Variants in LSAMP observed in about 807,000 individuals in gnomAD.
LSAMP encodes limbic system-associated membrane protein.
In LSAMP, 7 loss-of-function variants were observed where a neutral mutation model predicts 38.6. The observed-to-expected ratio is 0.18, with a 90% CI of 0.10 to 0.34. The LOEUF (loss-of-function observed/expected upper bound fraction) is 0.34, where lower values mean the gene tolerates loss of function less well. LSAMP is among the 10% of genes least tolerant of loss of function. The pLI, the probability that LSAMP is intolerant of heterozygous loss-of-function variation, is 1.00. For synonymous variants in LSAMP, 154 were observed against 166.8 expected (o/e 0.92, Z 0.59); for missense variants, 313 against 420.0 (o/e 0.75, Z 2.23).
At chr3:116,285,939 T>C (rs2047189267) in intron 1 of LSAMP, among the ~76,000 whole-genome samples, 1 of 152,074 alleles carries the variant, frequency 6.6e-6, no homozygotes, top group Non-Finnish European at 1.5e-5. Context: ...CTAGAAAGGA[T>C]AGAGTTGTTT....
At chr3:115,907,457 C>T (rs746407587) in intron 3 of LSAMP, among the ~76,000 whole-genome samples, 3 of 151,916 alleles carry the variant, frequency 2.0e-5, no homozygotes, top group Non-Finnish European at 1.5e-5. Context: ...CAGCAGACAT[C>T]GAATCCACTG....
intron 1 of LSAMP, among the ~76,000 whole-genome samples, chr3:116,174,256 T>C (rs1050765363): frequency 6.6e-6 from 1 of 151,998 alleles, no homozygotes; most frequent in African/African-American, 2.4e-5. Context: ...TGCTTTTTTA[T>C]GGTGCCTTTT....
intron 4 of LSAMP, among the ~76,000 whole-genome samples, chr3:115,850,302 T>C (rs1325252120): frequency 6.6e-6 from 1 of 152,208 alleles, no homozygotes; most frequent in Admixed American, 6.5e-5. Context: ...CAGACCACTT[T>C]GATGTTTCAC....
At chr3:116,441,336 T>A (rs2049432078) in intron 1 of LSAMP, among the ~76,000 whole-genome samples, 2 of 152,220 alleles carry the variant, frequency 1.3e-5, no homozygotes, top group Admixed American at 1.3e-4. Flanking sequence ...GCCTACTTGT[T>A]TTATATCCAG....
rs114660320 is a variant in LSAMP, at chr3:116,352,160, C to G, written c.155+92717G>C. ...CTTATAAAATGATTCCATGACTTCT[C>G]TGACGTTTCCACCACTAGGGTAGTC... On this transcript the variant is annotated intron_variant, in intron 1 of 6. Transcript: ENST00000490035. 6.2e-3 allele frequency among the ~76,000 whole-genome samples: 937 copies of G among 152,166 alleles called. 9 individuals are homozygous for G. Among genetic ancestry groups the G allele is most frequent in the African/African-American group, 0.021 (890 of 41,546 alleles).
intron 3 of LSAMP, among the ~76,000 whole-genome samples, chr3:115,906,153 T>C (rs762866780): frequency 1.3e-5 from 2 of 152,202 alleles, no homozygotes; most frequent in South Asian, 4.1e-4. Flanking sequence ...TTTCACACTA[T>C]GGCTCTCTTC....
chr3:115,996,887 G>A (rs974932433), intron 3 of LSAMP, among the ~76,000 whole-genome samples: 2 of 152,006 alleles, frequency 1.3e-5, no homozygotes, highest in African/African-American at 4.8e-5. Flanking sequence ...ACTGGGAGTC[G>A]TCCCAATCTC....
At chr3:116,273,527 A>ACTTTGAGTTGG (rs2047000938) in intron 1 of LSAMP, among the ~76,000 whole-genome samples, 1 of 151,146 alleles carries the variant, frequency 6.6e-6, no homozygotes, top group Non-Finnish European at 1.5e-5. Context: ...TAACACCAAG[A>ACTTTGAGTTGG]CTTTGAGTTG....
chr3:116,115,455 G>A (rs1489315261), intron 1 of LSAMP, among the ~76,000 whole-genome samples: 2 of 152,172 alleles, frequency 1.3e-5, no homozygotes, highest in Non-Finnish European at 2.9e-5. Flanking sequence ...GTCCTGAACT[G>A]TTTGCTCTTA....
Position 116,260,568 on chromosome 3 carries a change from G to T in LSAMP, c.156-174012C>A, listed in dbSNP as rs559362830. Among the ~76,000 whole-genome samples, 16 of 152,194 alleles carry T rather than the reference G, an allele frequency of 1.1e-4. No homozygotes were observed. In the South Asian group the frequency reaches 1.4e-3, roughly 14 times the overall value. On this transcript the variant is annotated intron_variant, in intron 1 of 6. Coordinates refer to ENST00000490035, the MANE Select transcript of LSAMP (RefSeq NM_002338.5). ...TGCATAATCTTTGGATCCTCTTTGA[G>T]ACCACGGCATAATCTTCTAGGGCTT...
At chr3:116,371,214 C>A (rs556494551) in intron 1 of LSAMP, among the ~76,000 whole-genome samples, 2 of 152,182 alleles carry the variant, frequency 1.3e-5, no homozygotes, top group South Asian at 4.2e-4. Context: ...GCTAGCATTA[C>A]CCTGATATCA....
At chr3:116,224,885 C>G (rs2046325846) in intron 1 of LSAMP, among the ~76,000 whole-genome samples, 1 of 152,168 alleles carries the variant, frequency 6.6e-6, no homozygotes. Context: ...GCACCTAGAA[C>G]AGTAAGCCTT....
chr3:115,913,254 C>T (rs574228480), intron 3 of LSAMP, among the ~76,000 whole-genome samples: 1 of 152,284 alleles, frequency 6.6e-6, no homozygotes, highest in Admixed American at 6.5e-5. Flanking sequence ...TATAATCTGC[C>T]TGTATAATGA....
intron 3 of LSAMP, among the ~76,000 whole-genome samples, chr3:115,929,258 C>A (rs1332611705): frequency 6.6e-6 from 1 of 151,988 alleles, no homozygotes; most frequent in Non-Finnish European, 1.5e-5. Flanking sequence ...CAAAACAAAA[C>A]CCCACCTTAA....
intron 3 of LSAMP, among the ~76,000 whole-genome samples, chr3:115,882,880 A>G (rs1421955462): frequency 1.3e-5 from 2 of 152,058 alleles, no homozygotes; most frequent in Non-Finnish European, 2.9e-5. Flanking sequence ...CTGATAAAAA[A>G]CAAAACAAAA....
chr3:115,811,248 G>A (rs973607331), intron 6 of LSAMP, among the ~76,000 whole-genome samples: 9 of 152,068 alleles, frequency 5.9e-5, no homozygotes, highest in Non-Finnish European at 1.3e-4. Flanking sequence ...TGTGGGTGTG[G>A]GTCTGAGAGG....
At chr3:116,406,525 C>T (rs1920186) in intron 1 of LSAMP, among the ~76,000 whole-genome samples, 80,643 of 151,762 alleles carry the variant, frequency 0.53, 23,489 homozygotes, top group East Asian at 0.77. Flanking sequence ...TTGCTTCCTG[C>T]CTTTTTTATT....
intron 1 of LSAMP, among the ~76,000 whole-genome samples, chr3:116,139,172 T>C (rs1709318993): frequency 6.6e-6 from 1 of 151,908 alleles, no homozygotes; most frequent in Non-Finnish European, 1.5e-5. Context: ...TTTTTAGGCC[T>C]GAAGAGTCAA....
chr3:116,302,808 C>T lies in LSAMP; in HGVS notation c.155+142069G>A, dbSNP rs2047431006. Among the ~76,000 whole-genome samples the T allele has an allele frequency of 1.3e-5, 2 of 152,118 alleles. 1 individual carries two copies. Among genetic ancestry groups the T allele is most frequent in the East Asian group, 3.8e-4 (2 of 5,196 alleles). ...GGATGGATGATGGTTGGATGGACAG[C>T]TGATATCACTCAGGGTGAAAGCTGA... On this transcript the variant is annotated intron_variant, in intron 1 of 6. Coordinates refer to ENST00000490035, the MANE Select transcript of LSAMP (RefSeq NM_002338.5).
Sources: gnomAD v4.1 joint callset for allele counts (sites outside exome capture counted in the v4.1 genomes callset) on GRCh38, gnomAD v4.1.1 for gene constraint, MANE v1.5 for transcripts, NCBI Gene and HGNC (gene_info 2026-07-23, HGNC 2026-07-21) for gene names.